GREB1L: variants seen among roughly 807,000 people sequenced by gnomAD.
The protein encoded by GREB1L is GREB1-like protein.
GREB1L carries 17 observed loss-of-function variants against 200.8 expected under a neutral mutation model. The observed-to-expected ratio is 0.08, with a 90% CI of 0.06 to 0.13. The LOEUF (loss-of-function observed/expected upper bound fraction) is 0.13, where lower values mean the gene tolerates loss of function less well. GREB1L is among the 10% of genes least tolerant of loss of function. The pLI is 1.00. For synonymous variants in GREB1L, 789 were observed against 893.0 expected (o/e 0.88, Z 2.08); for missense variants, 1,657 against 2,367.7 (o/e 0.70, Z 6.23).
At chr18:21,457,190 C>T (rs902128114) in intron 15 of GREB1L, among the ~76,000 whole-genome samples, 16 of 151,972 alleles carry the variant, frequency 1.1e-4, no homozygotes, top group African/African-American at 3.6e-4. Flanking sequence ...TTCTCAATGC[C>T]CTCAGATTTT....
intron 4 of GREB1L, among the ~76,000 whole-genome samples, chr18:21,389,994 T>C (rs2144229286): frequency 6.6e-6 from 1 of 152,228 alleles, no homozygotes; most frequent in Non-Finnish European, 1.5e-5. Context: ...TATACAGTCA[T>C]GTGCCAAATA....
At chr18:21,350,745 A>G (rs2039420807) in intron 1 of GREB1L, among the ~76,000 whole-genome samples, 1 of 152,180 alleles carries the variant, frequency 6.6e-6, no homozygotes, top group Non-Finnish European at 1.5e-5. Flanking sequence ...ATTGGATCCC[A>G]TGTTTTTCAG....
At chr18:21,254,105 T>C (rs1465247167) in intron 1 of GREB1L, among the ~76,000 whole-genome samples, 1 of 145,062 alleles carries the variant, frequency 6.9e-6, no homozygotes, top group Non-Finnish European at 1.5e-5. Flanking sequence ...AGTCTCGCTC[T>C]GTCTCCCAGG....
chr18:21,485,702 T>A lies in GREB1L; in HGVS notation c.2639T>A (p.Leu880His), dbSNP rs1336222135. Residue 880 changes from leucine (L) to histidine (H), a missense_variant, in exon 18 of 33, where the codon CTT becomes CAT. Coordinates refer to ENST00000424526, the MANE Select transcript of GREB1L (RefSeq NM_001142966.3). ...CTGCAGTGGGGGATCACGAGCCCAC[T>A]TCTGAGATGTGACGAGACTTTTGAA... is the stretch of plus-strand genomic sequence containing the variant. ...KSLQWGITSP[L>H]LRCDETFEKM... The A allele has an allele frequency of 1.3e-6, 2 of 1,551,496 alleles. No homozygotes were observed. Among genetic ancestry groups the A allele is most frequent in the Non-Finnish European group, 1.7e-6 (2 of 1,146,944 alleles).
intron 1 of GREB1L, among the ~76,000 whole-genome samples, chr18:21,265,496 T>A (rs1467332247): frequency 3.9e-5 from 6 of 152,266 alleles, no homozygotes; most frequent in South Asian, 2.1e-4. Flanking sequence ...CATTTTTTTT[T>A]ATATTTGTTT....
chr18:21,493,605 G>A (rs1261538282), intron 19 of GREB1L, among the ~76,000 whole-genome samples: 2 of 152,050 alleles, frequency 1.3e-5, no homozygotes, highest in South Asian at 2.1e-4. Context: ...AGTGGCTCAC[G>A]CCTATAATCC....
intron 16 of GREB1L, among the ~76,000 whole-genome samples, chr18:21,473,915 T>A (rs2035584317): frequency 6.6e-6 from 1 of 152,082 alleles, no homozygotes; most frequent in Admixed American, 6.5e-5. Context: ...ATGAGGAAGA[T>A]GTAAAAGCAG....
chr18:21,474,715 G>A (rs2035617023), intron 16 of GREB1L, among the ~76,000 whole-genome samples: 2 of 152,128 alleles, frequency 1.3e-5, no homozygotes, highest in African/African-American at 4.8e-5. Context: ...TTCCCTCCTG[G>A]CCCACAAAAA....
chr18:21,513,855 T>C lies in GREB1L; in HGVS notation c.4770T>C (p.Tyr1590=). The C allele has an allele frequency of 6.4e-7, 1 of 1,551,622 alleles. No homozygotes were observed. Among genetic ancestry groups the C allele is most frequent in the African/African-American group, 1.4e-5 (1 of 73,166 alleles). ...GGTTCCTCATCAAGGAGCTATCATATCACAACCTAGAATTGGAGAGAAACC... is the reference window on the plus strand; with the variant it reads ...GGTTCCTCATCAAGGAGCTATCATACCACAACCTAGAATTGGAGAGAAACC... The part of the protein sequence containing the change: ...AARFLIKELS[Y]HNLELERNRL... The change falls in exon 28 of 33, where the codon TAT becomes TAC. Residue 1590 remains tyrosine (Y), a synonymous_variant. Transcript: ENST00000424526.
chr18:21,272,198 C>T (rs2038090116), intron 1 of GREB1L, among the ~76,000 whole-genome samples: 1 of 152,204 alleles, frequency 6.6e-6, no homozygotes, highest in Non-Finnish European at 1.5e-5. Flanking sequence ...CTTGCCGTCA[C>T]TCAGGGATCC....
intron 1 of GREB1L, among the ~76,000 whole-genome samples, chr18:21,287,217 T>C (rs2144531844): frequency 6.6e-6 from 1 of 152,248 alleles, no homozygotes. Context: ...TGATTAGTCA[T>C]ACATGCTATT....
At chr18:21,330,811 T>TA (rs1468035302) in intron 1 of GREB1L, among the ~76,000 whole-genome samples, 1 of 152,124 alleles carries the variant, frequency 6.6e-6, no homozygotes, top group Non-Finnish European at 1.5e-5. Context: ...GATGATAACA[T>TA]ATGCCATCCC....
intron 17 of GREB1L, among the ~76,000 whole-genome samples, chr18:21,478,221 G>T (rs2035785701): frequency 6.6e-6 from 1 of 152,146 alleles, no homozygotes; most frequent in Admixed American, 6.5e-5. Flanking sequence ...CTCCATAGTA[G>T]CAGTGAATGT....
chr18:21,268,383 C>T (rs145842354), intron 1 of GREB1L, among the ~76,000 whole-genome samples: 465 of 150,842 alleles, frequency 3.1e-3, no homozygotes, highest in Non-Finnish European at 4.9e-3. Flanking sequence ...CAGTACACAC[C>T]GTAGGTGGGA....
chr18:21,465,721 A>C (rs1035012221), intron 15 of GREB1L, among the ~76,000 whole-genome samples: 46 of 152,150 alleles, frequency 3.0e-4, no homozygotes, highest in Middle Eastern at 3.2e-3. Context: ...TTGTCCTCAA[A>C]TAGTTTCTAA....
chr18:21,464,337 G>A (rs754417468), intron 15 of GREB1L, among the ~76,000 whole-genome samples: 6 of 151,858 alleles, frequency 4.0e-5, no homozygotes, highest in Non-Finnish European at 8.8e-5. Context: ...AGACTATCCT[G>A]GTCTCTACCA....
In GREB1L at chr18:21,525,662, G is replaced by GTT. The variant is rs896655907; in HGVS notation, c.*2843_*2844dup. 1.1e-4 allele frequency among the ~76,000 whole-genome samples: 16 copies of GTT among 152,182 alleles called. No individual in the cohort carries two copies. The highest frequency in any genetic ancestry group is 1.6e-4 in the Non-Finnish European group (11 of 68,038). ...TGGGTTGCTAAAACTAATACAAGGTGTTTGTTATTGTTAATCTCCAGTTAA... is the reference window on the plus strand; with the variant it reads ...TGGGTTGCTAAAACTAATACAAGGTGTTTTTGTTATTGTTAATCTCCAGTTAA... On this transcript the variant is annotated 3_prime_UTR_variant, in exon 33 of 33. Coordinates refer to ENST00000424526, the MANE Select transcript of GREB1L (RefSeq NM_001142966.3).
At chr18:21,495,467 A>C (rs1335729257) in intron 19 of GREB1L, among the ~76,000 whole-genome samples, 1 of 152,248 alleles carries the variant, frequency 6.6e-6, no homozygotes, top group Admixed American at 6.5e-5. Flanking sequence ...TCCTACTGAG[A>C]TAAACTACAG....
rs1193049971 is a variant in GREB1L at position 21,441,264 on chromosome 18, A to G, written c.1070-136A>G. 5.3e-6 allele frequency: 4 copies of G among 758,030 alleles called. No homozygotes were observed. In the African/African-American group the frequency reaches 5.5e-5, roughly 10 times the overall value. The allele number at this position is 758,030 out of a possible 1,614,324, so 47.0% of individuals were successfully genotyped here. A position where few individuals can be genotyped will look rare whatever the true frequency, so the allele number is the denominator to read the frequency against. On this transcript the variant is annotated intron_variant, in intron 9 of 32. Coordinates refer to ENST00000424526, the MANE Select transcript of GREB1L (RefSeq NM_001142966.3). Reference sequence around the variant, plus strand: ...TTTTTTTCACTTATCACTTTACACAATAAACCTAATGAAAAACACAACAAA... The same window carrying G: ...TTTTTTTCACTTATCACTTTACACAGTAAACCTAATGAAAAACACAACAAA...
Sources: allele counts gnomAD v4.1 joint callset (sites outside exome capture counted in the v4.1 genomes callset), GRCh38; gene constraint gnomAD v4.1.1; transcripts MANE v1.5; gene names NCBI Gene and HGNC (gene_info 2026-07-23, HGNC 2026-07-21).